The following FSHR variants were observed in gnomAD, a reference collection of about 807,000 sequenced individuals.
FSHR encodes the protein follicle stimulating hormone receptor.
In FSHR, 46 loss-of-function variants were observed where a neutral mutation model predicts 52.1. That is an observed-to-expected ratio of 0.88 (90% confidence interval 0.70 to 1.13). The LOEUF (loss-of-function observed/expected upper bound fraction) is 1.13, where lower values mean the gene tolerates loss of function less well. Ranked by LOEUF, FSHR falls within the 50% of genes most tolerant of loss-of-function variation. The pLI, the probability that FSHR is intolerant of heterozygous loss-of-function variation, is 0.00. For synonymous variants in FSHR, 399 were observed against 309.6 expected, an observed-to-expected ratio of 1.29 and a Z score of -3.03; for missense variants, 964 against 834.6, an observed-to-expected ratio of 1.16 and a Z score of -1.91.
intron 1 of FSHR, among the ~76,000 whole-genome samples, chr2:49,078,079 T>C (rs1371287273): frequency 6.6e-6 from 1 of 152,186 alleles, no homozygotes. Context: ...TGGTACAAAT[T>C]TACTGTTTTA....
At chr2:49,103,110 A>G (rs1348015545) in intron 1 of FSHR, among the ~76,000 whole-genome samples, 1 of 152,132 alleles carries the variant, frequency 6.6e-6, no homozygotes, top group Non-Finnish European at 1.5e-5. Context: ...AAGGAGTAAG[A>G]ACTGTCTTAT....
chr2:49,136,343 T>G (rs1032464157), intron 1 of FSHR, among the ~76,000 whole-genome samples: 1 of 152,026 alleles, frequency 6.6e-6, no homozygotes, highest in Non-Finnish European at 1.5e-5. Flanking sequence ...AAATAGATTG[T>G]GTCAACTGGA....
intron 1 of FSHR, among the ~76,000 whole-genome samples, chr2:49,085,754 C>G (rs1350074152): frequency 6.6e-6 from 1 of 152,128 alleles, no homozygotes; most frequent in Non-Finnish European, 1.5e-5. Context: ...GAAAATGTGG[C>G]ACATATACAC....
chr2:48,966,419 A>G (rs1674480327), intron 9 of FSHR, among the ~76,000 whole-genome samples: 1 of 152,230 alleles, frequency 6.6e-6, no homozygotes, highest in African/African-American at 2.4e-5. Context: ...CAAAATGAAT[A>G]CAGAATTATG....
intron 8 of FSHR, among the ~76,000 whole-genome samples, chr2:48,971,845 C>T (rs1218844540): frequency 6.6e-6 from 1 of 152,128 alleles, no homozygotes; most frequent in Non-Finnish European, 1.5e-5. Flanking sequence ...TAATTGTCTC[C>T]TAGCTCGCTG....
At chr2:49,152,241 C>A (rs1256642453) in intron 1 of FSHR, among the ~76,000 whole-genome samples, 2 of 152,122 alleles carry the variant, frequency 1.3e-5, no homozygotes, top group African/African-American at 2.4e-5. Flanking sequence ...CTAGAGCTAG[C>A]CTTTGTCAAG....
At chr2:49,126,303 G>A (rs888587418) in intron 1 of FSHR, among the ~76,000 whole-genome samples, 4 of 127,040 alleles carry the variant, frequency 3.1e-5, no homozygotes, top group Admixed American at 8.4e-5. Flanking sequence ...GAGCACATGC[G>A]CGTGCACACA....
At chr2:48,986,517 T>C (rs1054679995) in intron 6 of FSHR, among the ~76,000 whole-genome samples, 2 of 151,990 alleles carry the variant, frequency 1.3e-5, no homozygotes, top group African/African-American at 4.8e-5. Context: ...AATTACATGA[T>C]TTTATTGTCT....
At position 48,963,799 on chromosome 2, in the gene FSHR, A is replaced by G. The variant is rs139226976; in HGVS notation, c.1022T>C (p.Val341Ala). 1,449 of 1,614,100 alleles carry G rather than the reference A, an allele frequency of 9.0e-4. 1 individual carries two copies. Among genetic ancestry groups the G allele is most frequent in the Non-Finnish European group, 1.1e-3 (1,353 of 1,179,990 alleles). The change falls in exon 10 of 10, where the codon GTG becomes GCG. Residue 341 changes from valine (V) to alanine (A), a missense_variant. Val to Ala is a moderately conservative substitution (Grantham distance 64). Coordinates refer to ENST00000406846, the MANE Select transcript of FSHR (RefSeq NM_000145.4). ...TEFDYDLCNEVVDVTCSPKPD... is the reference protein window; with the variant it reads ...TEFDYDLCNEAVDVTCSPKPD... ...CTTAGGGGAGCAGGTCACGTCAACC[A>G]CTTCATTGCATAAGTCATAGTCAAA...
intron 2 of FSHR, among the ~76,000 whole-genome samples, chr2:49,053,588 A>G (rs982110529): frequency 3.3e-5 from 5 of 152,196 alleles, no homozygotes; most frequent in African/African-American, 9.6e-5. Flanking sequence ...TCTCAAAGCA[A>G]TGAAGAATAG....
chr2:49,079,530 A>G (rs115025328), intron 1 of FSHR, among the ~76,000 whole-genome samples: 37 of 152,268 alleles, frequency 2.4e-4, no homozygotes, highest in Non-Finnish European at 4.1e-4. Flanking sequence ...ATATTATGAT[A>G]TCGACAGGGA....
chr2:49,143,374 G>C (rs1280161064), intron 1 of FSHR, among the ~76,000 whole-genome samples: 1 of 152,182 alleles, frequency 6.6e-6, no homozygotes, highest in Admixed American at 6.5e-5. Flanking sequence ...TATGAATTCA[G>C]CACATTCCTC....
chr2:49,041,224 G>A (rs1668469504), intron 2 of FSHR, among the ~76,000 whole-genome samples: 2 of 152,070 alleles, frequency 1.3e-5, no homozygotes, highest in South Asian at 4.1e-4. Context: ...CATTTGGGAG[G>A]CACACCGTGA....
At chr2:48,984,160 A>T (rs1360075474) in intron 6 of FSHR, among the ~76,000 whole-genome samples, 1 of 152,186 alleles carries the variant, frequency 6.6e-6, no homozygotes, top group African/African-American at 2.4e-5. Context: ...TAGCCAGAAA[A>T]CACTTAAAAT....
intron 4 of FSHR, among the ~76,000 whole-genome samples, chr2:49,016,797 T>TTGA (rs1667505488): frequency 9.9e-6 from 1 of 100,852 alleles, no homozygotes; most frequent in African/African-American, 3.6e-5. Context: ...TTCCATTCTC[T>TTGA]TGATGAAACA....
At chr2:49,111,957 C>T (rs190776959) in intron 1 of FSHR, among the ~76,000 whole-genome samples, 179 of 152,128 alleles carry the variant, frequency 1.2e-3, no homozygotes, top group Non-Finnish European at 2.2e-3. Context: ...CAATATTGCC[C>T]GTAATTTATA....
At chr2:49,017,097 T>C (rs192837919) in intron 4 of FSHR, among the ~76,000 whole-genome samples, 131 of 152,324 alleles carry the variant, frequency 8.6e-4, no homozygotes, top group Non-Finnish European at 1.5e-3. Context: ...AATGCTGATA[T>C]TTATCAAGGG....
chr2:49,147,400 G>A (rs1253852513), intron 1 of FSHR, among the ~76,000 whole-genome samples: 1 of 152,032 alleles, frequency 6.6e-6, no homozygotes, highest in Non-Finnish European at 1.5e-5. Context: ...TGGCTTTGGA[G>A]AAAGATAATC....
At chr2:49,016,712 C>T (rs933064425) in intron 4 of FSHR, among the ~76,000 whole-genome samples, 1 of 152,150 alleles carries the variant, frequency 6.6e-6, no homozygotes, top group Non-Finnish European at 1.5e-5. Context: ...CTTTAAGCCT[C>T]TATCTTTGTG....
Sources: gnomAD v4.1 joint callset for allele counts (sites outside exome capture counted in the v4.1 genomes callset) on GRCh38, gnomAD v4.1.1 for gene constraint, MANE v1.5 for transcripts, NCBI Gene and HGNC (gene_info 2026-07-23, HGNC 2026-07-21) for gene names.